The following EPHA6 variants were observed in gnomAD, a reference collection of about 807,000 sequenced individuals.
EPHA6 encodes the protein ephrin type-A receptor 6.
Under a neutral mutation model 112.0 loss-of-function variants are expected in EPHA6, and 50 were observed. The observed-to-expected ratio is 0.45, with a 90% CI of 0.36 to 0.56. EPHA6 has a LOEUF of 0.56. Ranked by LOEUF, EPHA6 falls within the 20% of genes least tolerant of loss-of-function variation. EPHA6 has a pLI of 0.00. For missense variants in EPHA6, 1,280 were observed against 1,417.4 expected (o/e 0.90, Z 1.56); for synonymous variants, 529 against 490.7 (o/e 1.08, Z -1.03).
chr3:96,837,642 C>T (rs4571251), intron 1 of EPHA6, among the ~76,000 whole-genome samples: 14,664 of 151,890 alleles, frequency 0.097, 1,262 homozygotes, highest in Admixed American at 0.23. Flanking sequence ...ATTTTCAGTA[C>T]GATGTCTTTA....
At position 97,168,597 on chromosome 3, in the gene EPHA6, G is replaced by A. The variant is rs575683676; in HGVS notation, c.1115-57667G>A. Among the ~76,000 whole-genome samples, 56 of 135,770 alleles carry A rather than the reference G, an allele frequency of 4.1e-4. 1 individual carries two copies. Among genetic ancestry groups the A allele is most frequent in the Admixed American group, 3.7e-3 (49 of 13,262 alleles). 89.1% of individuals were successfully genotyped at this position (135,770 alleles called of 152,430 possible). ...TCTGTCTCTCTCTCTCTCTCTCTGTGTGTCTCTCTCTGTCTCTGTCTCTCT... is the reference window on the plus strand; with the variant it reads ...TCTGTCTCTCTCTCTCTCTCTCTGTATGTCTCTCTCTGTCTCTGTCTCTCT... On this transcript the variant is annotated intron_variant, in intron 3 of 17. Transcript: ENST00000389672.
At chr3:97,596,147 C>T (rs561939104) in intron 12 of EPHA6, among the ~76,000 whole-genome samples, 80 of 151,964 alleles carry the variant, frequency 5.3e-4, no homozygotes, top group Middle Eastern at 3.4e-3. Context: ...CCTCATGATC[C>T]GCCCGCCTCT....
intron 3 of EPHA6, among the ~76,000 whole-genome samples, chr3:97,019,292 G>A (rs911637994): frequency 1.3e-5 from 2 of 152,038 alleles, no homozygotes; most frequent in African/African-American, 4.8e-5. Flanking sequence ...TCTTAATATT[G>A]ATACAAGACT....
chr3:97,182,153 T>C (rs2077005671), intron 3 of EPHA6, among the ~76,000 whole-genome samples: 1 of 151,996 alleles, frequency 6.6e-6, no homozygotes, highest in Non-Finnish European at 1.5e-5. Flanking sequence ...TGCACTACAT[T>C]TATTTTTCTC....
chr3:97,449,268 T>C (rs923033730), intron 7 of EPHA6, among the ~76,000 whole-genome samples: 43 of 152,232 alleles, frequency 2.8e-4, no homozygotes, highest in African/African-American at 1.0e-3. Context: ...TCCAATGTCA[T>C]GTAACATCAG....
intron 1 of EPHA6, among the ~76,000 whole-genome samples, chr3:96,827,277 A>T (rs1345457784): frequency 1.3e-5 from 2 of 152,260 alleles, no homozygotes; most frequent in East Asian, 3.9e-4. Flanking sequence ...TGAGAAGTTG[A>T]GTAAGAACTG....
intron 13 of EPHA6, among the ~76,000 whole-genome samples, chr3:97,625,198 G>A (rs999136187): frequency 2.0e-5 from 3 of 151,448 alleles, no homozygotes; most frequent in Middle Eastern, 6.3e-3. Context: ...TTCCTCCTTG[G>A]CTCTGCTTTG....
intron 10 of EPHA6, among the ~76,000 whole-genome samples, chr3:97,487,318 A>G (rs1405852752): frequency 6.6e-6 from 1 of 152,248 alleles, no homozygotes; most frequent in East Asian, 1.9e-4. Flanking sequence ...TCTTTCTTAA[A>G]TGAGTTATCA....
At position 97,637,941 on chromosome 3, in the gene EPHA6, G is replaced by A. The variant is rs2093963548; in HGVS notation, c.2643G>A (p.Lys881=). ...TCCGAGGCATTGCATCAGGCATGAA[G>A]TATCTTTCTGATATGGGTTATGTTC... ...GMLRGIASGM[K]YLSDMGYVHR... is the part of the protein sequence containing the mutation. The change falls in exon 14 of 18, where the codon AAG becomes AAA. Residue 881 remains lysine, a synonymous_variant. Coordinates refer to ENST00000389672, the MANE Select transcript of EPHA6 (RefSeq NM_001080448.3). The A allele has an allele frequency of 1.9e-6, 3 of 1,613,930 alleles. No individual in the cohort carries two copies. Among genetic ancestry groups the A allele is most frequent in the Non-Finnish European group, 2.5e-6 (3 of 1,179,824 alleles).
chr3:97,064,087 T>C (rs2046107372), intron 3 of EPHA6, among the ~76,000 whole-genome samples: 1 of 152,136 alleles, frequency 6.6e-6, no homozygotes, highest in Non-Finnish European at 1.5e-5. Flanking sequence ...GGATCCAGCA[T>C]CTTATAAAAA....
chr3:97,573,356 G>A (rs908052775), intron 11 of EPHA6, among the ~76,000 whole-genome samples: 2 of 152,076 alleles, frequency 1.3e-5, no homozygotes, highest in African/African-American at 2.4e-5. Flanking sequence ...TCGAGTAAAG[G>A]TGGTGACCTG....
intron 11 of EPHA6, among the ~76,000 whole-genome samples, chr3:97,541,992 C>A (rs929945975): frequency 7.9e-5 from 12 of 151,614 alleles, no homozygotes; most frequent in African/African-American, 2.9e-4. Flanking sequence ...GAGTGGCAAA[C>A]TGAAGAACTT....
chr3:97,023,141 C>T (rs1466691764), intron 3 of EPHA6, among the ~76,000 whole-genome samples: 3 of 152,188 alleles, frequency 2.0e-5, no homozygotes, highest in African/African-American at 4.8e-5. Flanking sequence ...TGCAGTGGCG[C>T]GATCTTGGCT....
chr3:97,056,352 C>A (rs1308866078), intron 3 of EPHA6, among the ~76,000 whole-genome samples: 2 of 152,172 alleles, frequency 1.3e-5, no homozygotes, highest in Non-Finnish European at 2.9e-5. Context: ...ATTTGACATC[C>A]TTACATACTT....
chr3:97,066,147 C>T (rs1296314036), intron 3 of EPHA6, among the ~76,000 whole-genome samples: 2 of 151,772 alleles, frequency 1.3e-5, no homozygotes. Context: ...GGGGGTACAC[C>T]TAGTGCATTT....
chr3:96,856,167 G>A (rs2035684155), intron 1 of EPHA6, among the ~76,000 whole-genome samples: 1 of 152,104 alleles, frequency 6.6e-6, no homozygotes, highest in Non-Finnish European at 1.5e-5. Context: ...TTGAGCAGGG[G>A]AGGTGGAGGT....
chr3:96,972,820 GCTC>G (rs1307826140), intron 2 of EPHA6, among the ~76,000 whole-genome samples: 1 of 152,020 alleles, frequency 6.6e-6, no homozygotes, highest in Non-Finnish European at 1.5e-5. Context: ...CAAACTATCT[GCTC>G]CTATTTTAAA....
At chr3:97,507,804 T>C (rs1385336312) in intron 10 of EPHA6, among the ~76,000 whole-genome samples, 5 of 151,962 alleles carry the variant, frequency 3.3e-5, no homozygotes, top group Admixed American at 6.6e-5. Context: ...GGCTTTTTTT[T>C]TGATAGGCTA....
intron 3 of EPHA6, among the ~76,000 whole-genome samples, chr3:97,223,889 A>G (rs1403728402): frequency 6.6e-6 from 1 of 152,158 alleles, no homozygotes; most frequent in African/African-American, 2.4e-5. Flanking sequence ...TGAATAGAAG[A>G]ATGTAATGAA....
Sources: gnomAD v4.1 joint callset for allele counts (sites outside exome capture counted in the v4.1 genomes callset) on GRCh38, gnomAD v4.1.1 for gene constraint, MANE v1.5 for transcripts, NCBI Gene and HGNC (gene_info 2026-07-23, HGNC 2026-07-21) for gene names.